The following CORO7 variants were observed in gnomAD, a reference collection of about 807,000 sequenced individuals.
CORO7 encodes the protein coronin-7.
CORO7 carries 107 observed loss-of-function variants against 126.6 expected under a neutral mutation model. The ratio of observed to expected loss-of-function variants is 0.85; its 90% CI spans 0.72 to 0.99. The LOEUF is 0.99. CORO7 is among the 50% of genes least tolerant of loss of function. The probability of loss-of-function intolerance (pLI) is 0.00; values close to 1 mark genes in which losing one functional copy is unlikely to be tolerated. For synonymous variants in CORO7, 603 were observed against 536.8 expected, an observed-to-expected ratio of 1.12 and a Z score of -1.70; for missense variants, 1,314 against 1,255.8, an observed-to-expected ratio of 1.05 and a Z score of -0.70.
chr16:4,392,253 G>C (rs1186909453), intron 7 of CORO7, among the ~76,000 whole-genome samples: 1 of 152,102 alleles, frequency 6.6e-6, no homozygotes, highest in Non-Finnish European at 1.5e-5. Context: ...CGGTTGTAAA[G>C]GGAAGGGGCG....
At chr16:4,357,740 CCA>C (rs2054024037) in intron 25 of CORO7, 1 of 693,022 alleles carries the variant, frequency 1.4e-6, no homozygotes. Context: ...GCCCTAGACA[CCA>C]CAGTGTGTGC....
chr16:4,366,316 G>A (rs114863678), intron 9 of CORO7, among the ~76,000 whole-genome samples: 3,202 of 152,192 alleles, frequency 0.021, 120 homozygotes, highest in African/African-American at 0.072. Flanking sequence ...CAGAGCCCCT[G>A]CCACTCTATG....
Position 4,360,302 on chromosome 16 carries a change from C to T in CORO7, c.2084G>A (p.Cys695Tyr), listed in dbSNP as rs757073497. Reference sequence around the variant, plus strand: ...CCTGTCAAAGCCAGACACCAGCAGACAGCGACCATCACATACCCAGACAAT... The same window carrying T: ...CCTGTCAAAGCCAGACACCAGCAGATAGCGACCATCACATACCCAGACAAT... ...ARIVWVCDGR[C>Y]LLVSGFDSQS... The change falls in exon 21 of 28, where the codon TGT becomes TAT. Residue 695 changes from cysteine to tyrosine, a missense_variant. Cys to Tyr is a radical substitution (Grantham distance 194, BLOSUM62 -2). Transcript: ENST00000251166. 2 of 1,613,606 alleles carry T rather than the reference C, an allele frequency of 1.2e-6. No homozygotes were observed. Among genetic ancestry groups the T allele is most frequent in the Non-Finnish European group, 1.7e-6 (2 of 1,179,990 alleles).
intron 9 of CORO7, among the ~76,000 whole-genome samples, chr16:4,375,186 G>C (rs2054675988): frequency 6.6e-6 from 1 of 152,176 alleles, no homozygotes; most frequent in African/African-American, 2.4e-5. Context: ...TCCCTGCCCT[G>C]GGCTAACAGG....
chr16:4,408,733 T>C (rs111543381), intron 3 of CORO7, among the ~76,000 whole-genome samples: 371 of 152,326 alleles, frequency 2.4e-3, no homozygotes, highest in African/African-American at 8.5e-3. Context: ...GAAGCCAAGG[T>C]GGGCAGATCA....
At chr16:4,357,466 T>A (rs2054014529) in intron 25 of CORO7, 1 of 528,554 alleles carries the variant, frequency 1.9e-6, no homozygotes, top group Non-Finnish European at 3.2e-6. Context: ...TTCAAGCGAT[T>A]CTCCTGCTTC....
At chr16:4,382,521 G>A in intron 9 of CORO7, 1 of 1,592,972 alleles carries the variant, frequency 6.3e-7, no homozygotes, top group Non-Finnish European at 8.5e-7. Flanking sequence ...AGGGCGAGGA[G>A]GCCTGCGGGG....
chr16:4,412,612 T>A, intron 2 of CORO7, 182 bp from the exon 3 acceptor site: 1 of 621,456 alleles, frequency 1.6e-6, no homozygotes, highest in Non-Finnish European at 2.8e-6. Flanking sequence ...GCCCCATGCA[T>A]GAGCCATCCA....
intron 7 of CORO7, among the ~76,000 whole-genome samples, chr16:4,393,014 C>G (rs905067080): frequency 6.6e-6 from 1 of 152,242 alleles, no homozygotes; most frequent in African/African-American, 2.4e-5. Flanking sequence ...CACTCTATCC[C>G]CACCTCGGCA....
chr16:4,385,375 G>A (rs2055160322), intron 9 of CORO7, among the ~76,000 whole-genome samples: 1 of 152,146 alleles, frequency 6.6e-6, no homozygotes, highest in African/African-American at 2.4e-5. Context: ...GGGCCACTGT[G>A]AGCTACAGAA....
intron 25 of CORO7, chr16:4,357,528 G>C: frequency 2.6e-6 from 1 of 387,778 alleles, no homozygotes; most frequent in Non-Finnish European, 4.6e-6. Context: ...GGCTAATTTT[G>C]TATTTTTAGT....
At position 4,357,882 on chromosome 16, in the gene CORO7, A is replaced by C. The variant is rs540491704; in HGVS notation, c.2593+86T>G. The C allele has an allele frequency of 9.2e-6, 14 of 1,525,064 alleles. No individual in the cohort carries two copies. In the East Asian group the frequency reaches 3.0e-4, roughly 32 times the overall value. The allele number at this position is 1,525,064 out of a possible 1,614,324, so 94.5% of individuals were successfully genotyped here. A position where few individuals can be genotyped will look rare whatever the true frequency, so the allele number is the denominator to read the frequency against. ...AAAGGCCAGAGGATTCTGCGTGCCA[A>C]CAGGAATGGAACTTCAACCTGGGCC... On this transcript the variant is annotated intron_variant, in intron 25 of 27. Coordinates refer to ENST00000251166, the MANE Select transcript of CORO7 (RefSeq NM_024535.5).
intron 9 of CORO7, among the ~76,000 whole-genome samples, chr16:4,383,736 C>T (rs1381073229): frequency 1.3e-5 from 2 of 152,206 alleles, no homozygotes; most frequent in South Asian, 2.1e-4. Flanking sequence ...CGGACAAGAA[C>T]GGGTCAGGGA....
chr16:4,359,164 A>ACAGCCCCAGGCC lies in CORO7; in HGVS notation c.2340+120_2340+131dup, dbSNP rs552144538. ...CAACTCTTCTTGCCAGTCACTGGGCACAGCCCCAGGCCCAGCCCCAGCCCA... is the reference window on the plus strand; with the variant it reads ...CAACTCTTCTTGCCAGTCACTGGGCACAGCCCCAGGCCCAGCCCCAGGCCCAGCCCCAGCCCA... On this transcript the variant is annotated intron_variant, in intron 23 of 27. Coordinates refer to ENST00000251166, the MANE Select transcript of CORO7 (RefSeq NM_024535.5). 319 of 1,002,264 alleles carry ACAGCCCCAGGCC rather than the reference A, an allele frequency of 3.2e-4. 5 individuals carry two copies. The South Asian group carries it at 5.2e-3, about 16-fold the overall frequency. 62.1% of individuals were successfully genotyped at this position (1,002,264 alleles called of 1,614,324 possible). A position where few individuals can be genotyped will look rare whatever the true frequency, so the allele number is the denominator to read the frequency against.
At position 4,358,493 on chromosome 16, in the gene CORO7, CA is replaced by C; in HGVS notation, c.2341-11del. ...GCAGGAGGACGAGGCCCTGGGGGAG[CA>C]AGGGAGTCGGAGCTGCCGCTGGGAC... On this transcript the variant is annotated splice_polypyrimidine_tract_variant and intron_variant, in intron 23 of 27. Coordinates refer to ENST00000251166, the MANE Select transcript of CORO7 (RefSeq NM_024535.5). 6.3e-7 allele frequency: 1 copy of C among 1,579,312 alleles called. No individual in the cohort carries two copies. The highest frequency in any genetic ancestry group is 8.6e-7 in the Non-Finnish European group (1 of 1,159,082).
intron 8 of CORO7, 122 bp from the exon 9 acceptor site, chr16:4,388,190 C>T (rs2055263401): frequency 7.7e-7 from 1 of 1,292,180 alleles, no homozygotes; most frequent in African/African-American, 1.5e-5. Context: ...CAGAGCAGGG[C>T]TTGGAGTGGG....
At chr16:4,402,951 C>T (rs2055866346) in intron 6 of CORO7, among the ~76,000 whole-genome samples, 1 of 152,082 alleles carries the variant, frequency 6.6e-6, no homozygotes, top group Admixed American at 6.5e-5. Context: ...GGAGGCAGAC[C>T]TGCTCACACA....
At chr16:4,388,521 G>A (rs2055274549) in intron 8 of CORO7, 24 bp downstream of exon 8, 2 of 1,606,338 alleles carry the variant, frequency 1.2e-6, no homozygotes, top group South Asian at 2.2e-5. Flanking sequence ...GCCGTGCCCT[G>A]CTCCTCCAGG....
At chr16:4,398,387 G>GGC (rs1331230550) in intron 6 of CORO7, among the ~76,000 whole-genome samples, 4 of 152,202 alleles carry the variant, frequency 2.6e-5, no homozygotes, top group African/African-American at 9.6e-5. Flanking sequence ...TATCAGGCCG[G>GGC]GCGCGGTGGC....
Sources: gnomAD v4.1 joint callset for allele counts (sites outside exome capture counted in the v4.1 genomes callset) on GRCh38, gnomAD v4.1.1 for gene constraint, MANE v1.5 for transcripts, NCBI Gene and HGNC (gene_info 2026-07-23, HGNC 2026-07-21) for gene names.